The following GRID2 variants were observed in gnomAD, a reference collection of about 807,000 sequenced individuals.
GRID2 encodes glutamate ionotropic receptor delta type subunit 2, also known as glutamate receptor ionotropic, delta-2.
A neutral mutation model predicts 114.8 loss-of-function variants in GRID2; 33 were observed. That is an observed-to-expected ratio of 0.29 (90% confidence interval 0.22 to 0.38). GRID2 has a LOEUF of 0.38. Ranked by LOEUF, GRID2 falls within the 10% of genes least tolerant of loss-of-function variation. GRID2 has a pLI of 1.00. For missense variants in GRID2, 1,184 were observed against 1,257.7 expected (o/e 0.94, Z 0.89); for synonymous variants, 505 against 449.9 (o/e 1.12, Z -1.55).
intron 2 of GRID2, among the ~76,000 whole-genome samples, chr4:92,986,471 G>A (rs572068195): frequency 1.3e-5 from 2 of 152,216 alleles, no homozygotes; most frequent in African/African-American, 2.4e-5. Flanking sequence ...GTTGGTCATG[G>A]TAGGCACAGG....
At chr4:93,106,629 C>CT (rs1174034966) in intron 3 of GRID2, among the ~76,000 whole-genome samples, 1 of 152,134 alleles carries the variant, frequency 6.6e-6, no homozygotes, top group African/African-American at 2.4e-5. Flanking sequence ...AGAGTACTCT[C>CT]TTTTTTAATG....
intron 1 of GRID2, among the ~76,000 whole-genome samples, chr4:92,502,417 T>G (rs1319704622): frequency 6.6e-6 from 1 of 152,084 alleles, no homozygotes; most frequent in Non-Finnish European, 1.5e-5. Context: ...CCACATAAAA[T>G]ATAAAATGAG....
intron 2 of GRID2, among the ~76,000 whole-genome samples, chr4:92,887,215 C>A (rs1211698514): frequency 2.0e-5 from 3 of 152,208 alleles, no homozygotes; most frequent in Non-Finnish European, 4.4e-5. Flanking sequence ...AGCCCAGCAA[C>A]ATAATGTCTG....
chr4:92,810,153 G>A (rs1380594182), intron 2 of GRID2, among the ~76,000 whole-genome samples: 1 of 151,526 alleles, frequency 6.6e-6, no homozygotes, highest in African/African-American at 2.4e-5. Context: ...AAATTTGAAT[G>A]TCACTTATGT....
chr4:92,979,220 T>C (rs548890168), intron 2 of GRID2, among the ~76,000 whole-genome samples: 47 of 152,160 alleles, frequency 3.1e-4, no homozygotes, highest in Admixed American at 1.0e-3. Flanking sequence ...TTGAATATTA[T>C]ATGCTGAAAA....
intron 2 of GRID2, among the ~76,000 whole-genome samples, chr4:92,868,016 T>TTTTCTTTCTTTC (rs57222462): frequency 1.5e-3 from 195 of 132,862 alleles, no homozygotes; most frequent in African/African-American, 3.0e-3. Flanking sequence ...TACTGAAAGG[T>TTTTCTTTCTTTC]TTTCTTTCTT....
chr4:92,525,011 A>C (rs781621654), intron 1 of GRID2, among the ~76,000 whole-genome samples: 1 of 152,004 alleles, frequency 6.6e-6, no homozygotes, highest in Non-Finnish European at 1.5e-5. Context: ...ACAGATGAAT[A>C]ATGTGATAAT....
intron 13 of GRID2, among the ~76,000 whole-genome samples, chr4:93,530,759 G>C (rs1318360002): frequency 1.3e-5 from 2 of 152,026 alleles, no homozygotes; most frequent in African/African-American, 4.8e-5. Context: ...TATCTCTACA[G>C]CATTGAGCTT....
intron 14 of GRID2, among the ~76,000 whole-genome samples, chr4:93,658,364 T>C (rs1382581656): frequency 6.6e-6 from 1 of 152,132 alleles, no homozygotes; most frequent in Non-Finnish European, 1.5e-5. Context: ...AATAAAGAGG[T>C]CTTATTTATT....
In GRID2 at chr4:93,057,970, T is replaced by A. The variant is rs78314933; in HGVS notation, c.245-27025T>A. ...AAATGACATTAAAAGTTGATGCAAA[T>A]AGTCATGCTGTAAAATTCAGACTTT... On this transcript the variant is annotated intron_variant, in intron 2 of 15. Transcript: ENST00000282020. Among the ~76,000 whole-genome samples, 1,184 of 152,000 alleles carry A rather than the reference T, an allele frequency of 7.8e-3. 18 individuals are homozygous for A. Among genetic ancestry groups the A allele is most frequent in the African/African-American group, 0.027 (1,123 of 41,470 alleles).
rs148414037 is a variant in GRID2 at position 93,218,824 on chromosome 4, T to G, written c.963+1913T>G. ...AGCCTCAGGAAACTTACATTCATGG[T>G]GAAAGGGGAAGCAAACATGTCCTTC... is the stretch of plus-strand genomic sequence containing the variant. On this transcript the variant is annotated intron_variant, in intron 6 of 15. Coordinates refer to ENST00000282020, the MANE Select transcript of GRID2 (RefSeq NM_001510.4). Among the ~76,000 whole-genome samples, 200 of 152,232 alleles carry G rather than the reference T, an allele frequency of 1.3e-3. 1 individual carries two copies. The highest frequency in any genetic ancestry group is 4.4e-3 in the African/African-American group (181 of 41,554).
intron 1 of GRID2, among the ~76,000 whole-genome samples, chr4:92,482,370 T>C (rs1447571346): frequency 6.6e-6 from 1 of 151,908 alleles, no homozygotes; most frequent in African/African-American, 2.4e-5. Flanking sequence ...AACTACTTAT[T>C]GGGTACTATG....
At chr4:93,594,327 T>G (rs1738779181) in intron 13 of GRID2, among the ~76,000 whole-genome samples, 1 of 152,186 alleles carries the variant, frequency 6.6e-6, no homozygotes, top group Non-Finnish European at 1.5e-5. Context: ...GAGGTGTCAG[T>G]GTGCCCCTGC....
chr4:92,681,855 A>G (rs940461840), intron 2 of GRID2, among the ~76,000 whole-genome samples: 3 of 152,142 alleles, frequency 2.0e-5, no homozygotes, highest in African/African-American at 7.2e-5. Context: ...TGGTAAAGAA[A>G]TGGAAGCCAT....
At chr4:93,727,097 A>G (rs2110211390) in intron 14 of GRID2, among the ~76,000 whole-genome samples, 1 of 152,270 alleles carries the variant, frequency 6.6e-6, no homozygotes, top group East Asian at 1.9e-4. Flanking sequence ...GTTTTTGCCC[A>G]TTCAGTATGA....
chr4:92,608,304 C>T (rs1729559847), intron 2 of GRID2, among the ~76,000 whole-genome samples: 1 of 151,734 alleles, frequency 6.6e-6, no homozygotes, highest in African/African-American at 2.4e-5. Flanking sequence ...CTAATAAAGA[C>T]ATTAATAAAG....
At chr4:92,544,250 C>T (rs1488131899) in intron 1 of GRID2, among the ~76,000 whole-genome samples, 2 of 152,094 alleles carry the variant, frequency 1.3e-5, no homozygotes. Flanking sequence ...AATGAATTTT[C>T]TGAAAATGTA....
chr4:92,440,644 G>A (rs529151809), intron 1 of GRID2, among the ~76,000 whole-genome samples: 20 of 152,182 alleles, frequency 1.3e-4, no homozygotes, highest in Middle Eastern at 6.8e-3. Context: ...TCTGAGAGGC[G>A]GGCTAGTGGC....
intron 2 of GRID2, among the ~76,000 whole-genome samples, chr4:92,849,164 A>G (rs1198431930): frequency 6.6e-6 from 1 of 151,928 alleles, no homozygotes; most frequent in Non-Finnish European, 1.5e-5. Context: ...ATGTCAATTG[A>G]TGATGATGAA....
Sources: gnomAD v4.1 joint callset for allele counts (sites outside exome capture counted in the v4.1 genomes callset) on GRCh38, gnomAD v4.1.1 for gene constraint, MANE v1.5 for transcripts, NCBI Gene and HGNC (gene_info 2026-07-23, HGNC 2026-07-21) for gene names.